Variants in KCMF1 observed in about 807,000 individuals in gnomAD.
KCMF1 encodes the protein potassium channel modulatory factor 1.
In KCMF1, 3 loss-of-function variants were observed where a neutral mutation model predicts 41.1. That is an observed-to-expected ratio of 0.07 (90% CI 0.03 to 0.19). KCMF1 has a LOEUF of 0.19. Ranked by LOEUF, KCMF1 falls within the 10% of genes least tolerant of loss-of-function variation. KCMF1 has a pLI of 1.00. For missense variants in KCMF1, 286 were observed against 488.9 expected (o/e 0.58, Z 3.91); for synonymous variants, 142 against 164.5 (o/e 0.86, Z 1.04).
In KCMF1 at chr2:85,054,549, G is replaced by A. The variant is rs1675884225; in HGVS notation, c.*1140G>A. 6.6e-6 allele frequency: 1 copy of A among 151,906 alleles called. No homozygotes were observed. The highest frequency in any genetic ancestry group is 1.5e-5 in the Non-Finnish European group (1 of 67,994). The allele number at this position is 151,906 out of a possible 1,614,324, so 9.4% of individuals were successfully genotyped here. On this transcript the variant is annotated 3_prime_UTR_variant, in exon 7 of 7. Transcript: ENST00000409785. ...TATGCCTATATTATTAATCCTATGT[G>A]TAAAAAAAATGTACAGCTTTTTTTG...
intron 1 of KCMF1, among the ~76,000 whole-genome samples, chr2:85,010,323 G>T (rs1322227977): frequency 6.6e-6 from 1 of 152,102 alleles, no homozygotes; most frequent in East Asian, 1.9e-4. Context: ...ACAAAAATTA[G>T]CTGGGTGTAG....
chr2:84,972,542 G>A lies in KCMF1; in HGVS notation c.16+1075G>A, dbSNP rs565833981. 3.0e-4 allele frequency among the ~76,000 whole-genome samples: 45 copies of A among 152,344 alleles called. 1 individual carries two copies. The South Asian group carries it at 9.1e-3, about 31-fold the overall frequency. ...GTTTGTCCTGCTAAGGTTAATACAA[G>A]ATTGTAGAAGTGGCTTGAAAGTTTG... is the stretch of plus-strand genomic sequence containing the variant. On this transcript the variant is annotated intron_variant, in intron 1 of 6. Coordinates refer to ENST00000409785, the MANE Select transcript of KCMF1 (RefSeq NM_020122.5).
At chr2:85,023,162 C>A (rs924921275) in intron 1 of KCMF1, among the ~76,000 whole-genome samples, 1 of 151,870 alleles carries the variant, frequency 6.6e-6, no homozygotes, top group African/African-American at 2.4e-5. Flanking sequence ...GCTGGGATTA[C>A]AGGCGTGAGC....
chr2:84,977,232 A>G (rs1170635203), intron 1 of KCMF1, among the ~76,000 whole-genome samples: 3 of 152,180 alleles, frequency 2.0e-5, no homozygotes, highest in African/African-American at 2.4e-5. Flanking sequence ...ACATATAGAC[A>G]GAAATAATTT....
At chr2:85,011,953 C>T (rs1360558111) in intron 1 of KCMF1, among the ~76,000 whole-genome samples, 1 of 152,148 alleles carries the variant, frequency 6.6e-6, no homozygotes, top group Non-Finnish European at 1.5e-5. Flanking sequence ...CTAAGTGACC[C>T]CTAGGGGGCA....
In KCMF1 at chr2:84,987,451, A is replaced by T. The variant is rs114326758; in HGVS notation, c.16+15984A>T. Among the ~76,000 whole-genome samples, 1,421 of 152,352 alleles carry T rather than the reference A, an allele frequency of 9.3e-3. 16 individuals are homozygous for T. The highest frequency in any genetic ancestry group is 0.032 in the African/African-American group (1,332 of 41,578). On this transcript the variant is annotated intron_variant, in intron 1 of 6. Coordinates refer to ENST00000409785, the MANE Select transcript of KCMF1 (RefSeq NM_020122.5). The stretch of plus-strand genomic sequence containing the variant: ...ACAGAAAGAAAAAAGATGCCTTAAG[A>T]TAAAGGCTTATTGTTGAGAGAGCAA...
At chr2:84,975,058 C>A (rs1320409944) in intron 1 of KCMF1, among the ~76,000 whole-genome samples, 2 of 151,978 alleles carry the variant, frequency 1.3e-5, no homozygotes, top group African/African-American at 4.8e-5. Flanking sequence ...CATTTGACAC[C>A]CCCACCATTC....
At chr2:85,046,330 T>A (rs376612048) in intron 5 of KCMF1, 52 bp downstream of exon 5, 2 of 1,457,650 alleles carry the variant, frequency 1.4e-6, no homozygotes, top group African/African-American at 2.8e-5. Context: ...GAGGAGCTCC[T>A]TTTAAAACTT....
chr2:85,019,311 G>A (rs1382849924), intron 1 of KCMF1, among the ~76,000 whole-genome samples: 5 of 152,180 alleles, frequency 3.3e-5, no homozygotes, highest in African/African-American at 1.2e-4. Flanking sequence ...AAATGACACA[G>A]ATTCTGACAC....
At chr2:84,982,988 A>G (rs1449991231) in intron 1 of KCMF1, among the ~76,000 whole-genome samples, 2 of 152,218 alleles carry the variant, frequency 1.3e-5, no homozygotes, top group East Asian at 1.9e-4. Context: ...AAGTGTTCCT[A>G]TATTAGATCA....
At chr2:84,991,204 T>C (rs1025593953) in intron 1 of KCMF1, among the ~76,000 whole-genome samples, 1 of 152,026 alleles carries the variant, frequency 6.6e-6, no homozygotes, top group Non-Finnish European at 1.5e-5. Flanking sequence ...AGCTCAGTCA[T>C]CTCTGTGAAA....
In KCMF1 at chr2:85,016,422, AG is replaced by A. The variant is rs1313716927; in HGVS notation, c.17-11465del. Among the ~76,000 whole-genome samples the A allele has an allele frequency of 5.4e-5, 8 of 148,240 alleles. No individual in the cohort carries two copies. The East Asian group carries it at 1.7e-3, about 31-fold the overall frequency. ...CTCTTCCTATTTCTAAAAATAACTAAGGAAAGCTCTCTAAAAAAAAACAGAC... is the reference window on the plus strand; with the variant it reads ...CTCTTCCTATTTCTAAAAATAACTAAGAAAGCTCTCTAAAAAAAAACAGAC... On this transcript the variant is annotated intron_variant, in intron 1 of 6. Transcript: ENST00000409785.
In KCMF1 at chr2:84,976,796, A is replaced by G. The variant is rs184777883; in HGVS notation, c.16+5329A>G. Among the ~76,000 whole-genome samples the G allele has an allele frequency of 3.9e-5, 6 of 152,242 alleles. No individual in the cohort carries two copies. In the East Asian group the frequency reaches 1.2e-3, roughly 29 times the overall value. ...GCTAGTTTCAGAAGTATCTGATACT[A>G]TTTATTTTTAAAATGTAAAATACAA... On this transcript the variant is annotated intron_variant, in intron 1 of 6. Transcript: ENST00000409785.
intron 3 of KCMF1, among the ~76,000 whole-genome samples, chr2:85,038,244 A>C (rs1317975235): frequency 6.6e-6 from 1 of 152,220 alleles, no homozygotes; most frequent in Non-Finnish European, 1.5e-5. Context: ...ATAATTGAAC[A>C]CTTACTATAA....
At chr2:84,976,408 G>A (rs1673545673) in intron 1 of KCMF1, among the ~76,000 whole-genome samples, 1 of 151,838 alleles carries the variant, frequency 6.6e-6, no homozygotes, top group Non-Finnish European at 1.5e-5. Flanking sequence ...GTTTCACCAT[G>A]TTGGCCAGGC....
intron 1 of KCMF1, among the ~76,000 whole-genome samples, chr2:85,014,414 T>C (rs1454061690): frequency 2.0e-5 from 3 of 152,224 alleles, no homozygotes; most frequent in Non-Finnish European, 4.4e-5. Flanking sequence ...TGGTTTGCCA[T>C]GTAATGGCTC....
At chr2:84,973,640 G>T (rs1673455812) in intron 1 of KCMF1, among the ~76,000 whole-genome samples, 1 of 152,066 alleles carries the variant, frequency 6.6e-6, no homozygotes, top group African/African-American at 2.4e-5. Flanking sequence ...TAACTCATTA[G>T]ATACATATTT....
intron 1 of KCMF1, among the ~76,000 whole-genome samples, chr2:85,001,025 C>G (rs1674314204): frequency 6.6e-6 from 1 of 150,426 alleles, no homozygotes; most frequent in African/African-American, 2.4e-5. Context: ...GATGGGGTCT[C>G]ACTATTGCCC....
At chr2:85,020,026 TA>T (rs1674891382) in intron 1 of KCMF1, among the ~76,000 whole-genome samples, 4 of 152,150 alleles carry the variant, frequency 2.6e-5, no homozygotes, top group Admixed American at 2.0e-4. Flanking sequence ...AGCCTGAGGC[TA>T]CCACCCCCTA....
Sources: gnomAD v4.1 joint callset for allele counts (sites outside exome capture counted in the v4.1 genomes callset) on GRCh38, gnomAD v4.1.1 for gene constraint, MANE v1.5 for transcripts, NCBI Gene and HGNC (gene_info 2026-07-23, HGNC 2026-07-21) for gene names.